CACNA1C: variants seen among roughly 807,000 people sequenced by gnomAD.
CACNA1C encodes the protein voltage-dependent L-type calcium channel subunit alpha-1C.
Under a neutral mutation model 229.0 loss-of-function variants are expected in CACNA1C, and 30 were observed. The ratio of observed to expected loss-of-function variants is 0.13; its 90% CI spans 0.10 to 0.18. CACNA1C has a LOEUF of 0.18. Among genes scored for constraint, CACNA1C ranks in the 10% least tolerant of loss-of-function variants. The probability of loss-of-function intolerance (pLI) is 1.00; values close to 1 mark genes in which losing one functional copy is unlikely to be tolerated. For synonymous variants in CACNA1C, 1,114 were observed against 1,132.5 expected, an observed-to-expected ratio of 0.98 and a Z score of 0.33; for missense variants, 1,658 against 2,845.0, an observed-to-expected ratio of 0.58 and a Z score of 9.49.
chr12:2,579,862 G>T (rs764831852), intron 13 of CACNA1C, among the ~76,000 whole-genome samples: 12 of 152,172 alleles, frequency 7.9e-5, no homozygotes, highest in Non-Finnish European at 1.5e-4. Flanking sequence ...TCCCAAAGGG[G>T]GTTATAGGCA....
At chr12:2,135,893 C>T (rs1378747893) in intron 3 of CACNA1C, among the ~76,000 whole-genome samples, 1 of 148,808 alleles carries the variant, frequency 6.7e-6, no homozygotes, top group African/African-American at 2.5e-5. Context: ...ATGGCGGGCG[C>T]CCCTCCCCCA....
intron 3 of CACNA1C, among the ~76,000 whole-genome samples, chr12:2,448,102 G>T (rs751342139): frequency 6.6e-6 from 1 of 152,222 alleles, no homozygotes; most frequent in Non-Finnish European, 1.5e-5. Flanking sequence ...GGCGAGGGAC[G>T]TGCATGAATC....
intron 3 of CACNA1C, among the ~76,000 whole-genome samples, chr12:2,237,952 G>A (rs143061508): frequency 1.4e-3 from 206 of 152,260 alleles, no homozygotes; most frequent in African/African-American, 4.7e-3. Flanking sequence ...GTATCAAGGC[G>A]ACAATGATAG....
intron 1 of CACNA1C, among the ~76,000 whole-genome samples, chr12:2,039,515 AGT>A (rs1244262591): frequency 1.3e-5 from 2 of 152,244 alleles, no homozygotes; most frequent in Admixed American, 6.5e-5. Flanking sequence ...CTGTGAGCCA[AGT>A]ACTATTCTTG....
At chr12:2,432,858 A>G (rs1458624114) in intron 3 of CACNA1C, among the ~76,000 whole-genome samples, 1 of 152,144 alleles carries the variant, frequency 6.6e-6, no homozygotes, top group Non-Finnish European at 1.5e-5. Flanking sequence ...TGTGCACCAC[A>G]AAGCCTGTTA....
chr12:2,450,478 C>T (rs796362981), intron 4 of CACNA1C, among the ~76,000 whole-genome samples: 9 of 127,630 alleles, frequency 7.1e-5, no homozygotes, highest in African/African-American at 2.1e-4. Flanking sequence ...GGCGTGAACC[C>T]GGGAGGCGGA....
intron 39 of CACNA1C, among the ~76,000 whole-genome samples, chr12:2,675,085 G>A (rs2096736429): frequency 6.6e-6 from 1 of 152,172 alleles, no homozygotes; most frequent in South Asian, 2.1e-4. Flanking sequence ...GTTCTTCCAA[G>A]AGCAGTGTTT....
intron 9 of CACNA1C, among the ~76,000 whole-genome samples, chr12:2,513,711 A>G (rs2099790047): frequency 6.6e-6 from 1 of 152,194 alleles, no homozygotes; most frequent in Non-Finnish European, 1.5e-5. Context: ...GACTAGCTCC[A>G]TGGTTCTCAA....
intron 3 of CACNA1C, among the ~76,000 whole-genome samples, chr12:2,335,297 C>T (rs2096658791): frequency 6.6e-6 from 1 of 152,122 alleles, no homozygotes; most frequent in East Asian, 1.9e-4. Flanking sequence ...TGCAGGCTCC[C>T]ACCTTCCGGA....
intron 5 of CACNA1C, among the ~76,000 whole-genome samples, chr12:2,460,842 C>T (rs887014118): frequency 2.6e-5 from 4 of 152,220 alleles, no homozygotes; most frequent in African/African-American, 9.6e-5. Context: ...AATGGTGGCT[C>T]TTCCTCAGCT....
chr12:2,043,158 A>G (rs2050431879), intron 1 of CACNA1C, among the ~76,000 whole-genome samples: 1 of 152,232 alleles, frequency 6.6e-6, no homozygotes, highest in African/African-American at 2.4e-5. Flanking sequence ...AATTAGAATC[A>G]TTGACTGATA....
rs552969371 is a variant in CACNA1C, at chr12:2,287,813, C to T, written c.478-161163C>T. On this transcript the variant is annotated intron_variant, in intron 3 of 46. Transcript: ENST00000399655. The surrounding 1 kb of genome is among the most constrained non-coding windows in gnomAD (Gnocchi z 4.6). Reference sequence around the variant, plus strand: ...GAGAATTTGCATTTCTAACAAGCTCCCAGGTGACTCGCTGCTGCTGGCCTG... The same window carrying T: ...GAGAATTTGCATTTCTAACAAGCTCTCAGGTGACTCGCTGCTGCTGGCCTG... 1.2e-4 allele frequency among the ~76,000 whole-genome samples: 19 copies of T among 152,074 alleles called. No homozygotes were observed. Among genetic ancestry groups the T allele is most frequent in the Non-Finnish European group, 2.4e-4 (16 of 68,028 alleles).
intron 3 of CACNA1C, among the ~76,000 whole-genome samples, chr12:2,236,778 GA>G (rs1426025587): frequency 6.6e-6 from 1 of 152,166 alleles, no homozygotes; most frequent in African/African-American, 2.4e-5. Context: ...GGCGATAGTT[GA>G]AGTGAACCAA....
chr12:2,545,410 A>G (rs147183724), intron 9 of CACNA1C, among the ~76,000 whole-genome samples: 13 of 152,140 alleles, frequency 8.5e-5, no homozygotes, highest in African/African-American at 2.9e-4. Flanking sequence ...GCCTGCCATT[A>G]TGCTCCTCAT....
In CACNA1C at chr12:2,693,109, C is replaced by A. The variant is rs2097804511; in HGVS notation, c.*1910C>A. The A allele has an allele frequency of 6.6e-6, 1 of 152,266 alleles. No homozygotes were observed. 9.4% of individuals were successfully genotyped at this position (152,266 alleles called of 1,614,324 possible). ...ATCTTGTGTTTGCTTACATTTCCCT[C>A]AATTTTTCCAAAATCGTTTGCTGGG... On this transcript the variant is annotated 3_prime_UTR_variant, in exon 47 of 47. Transcript: ENST00000399655.
At position 2,466,868 on chromosome 12, in the gene CACNA1C, G is replaced by C. The variant is rs149910450; in HGVS notation, c.757+9162G>C. ...CCAGGCTGTACCCTCACTGCTTGCAGACCTTCAGCCTCTCCACCCCTGTTC... is the reference window on the plus strand; with the variant it reads ...CCAGGCTGTACCCTCACTGCTTGCACACCTTCAGCCTCTCCACCCCTGTTC... On this transcript the variant is annotated intron_variant, in intron 5 of 46. Transcript: ENST00000399655. Among the ~76,000 whole-genome samples the C allele has an allele frequency of 2.0e-3, 299 of 152,196 alleles. 3 individuals carry two copies. Among genetic ancestry groups the C allele is most frequent in the African/African-American group, 6.9e-3 (287 of 41,534 alleles).
At chr12:1,988,713 A>AC (rs1266450294) in intron 1 of CACNA1C, among the ~76,000 whole-genome samples, 2 of 152,180 alleles carry the variant, frequency 1.3e-5, no homozygotes, top group Non-Finnish European at 2.9e-5. Context: ...AAGTCTACCA[A>AC]CCACTCACTT....
chr12:2,166,347 G>A (rs1173503876), intron 3 of CACNA1C, among the ~76,000 whole-genome samples: 1 of 152,178 alleles, frequency 6.6e-6, no homozygotes, highest in African/African-American at 2.4e-5. Flanking sequence ...AAAGATAATG[G>A]GCAAGCAGCA....
chr12:2,587,593 A>G (rs538659272), intron 18 of CACNA1C, among the ~76,000 whole-genome samples: 5 of 152,102 alleles, frequency 3.3e-5, no homozygotes, highest in Non-Finnish European at 7.4e-5. Flanking sequence ...CAAAGAGAAG[A>G]ATGTTAATTT....
Sources: gnomAD v4.1 joint callset for allele counts (sites outside exome capture counted in the v4.1 genomes callset) on GRCh38, gnomAD v4.1.1 for gene constraint, Gnocchi (gnomAD v3.1) non-coding constraint, MANE v1.5 for transcripts, NCBI Gene and HGNC (gene_info 2026-07-23, HGNC 2026-07-21) for gene names.